The following GARRE1 variants were observed in gnomAD, a reference collection of about 807,000 sequenced individuals.
GARRE1 encodes granule associated Rac and RHOG effector protein 1.
A neutral mutation model predicts 103.2 loss-of-function variants in GARRE1; 49 were observed. The observed-to-expected ratio is 0.47, with a 90% CI of 0.38 to 0.60. The LOEUF is 0.60. Among genes scored for constraint, GARRE1 ranks in the 20% least tolerant of loss-of-function variants. GARRE1 has a pLI of 0.00. For missense variants in GARRE1, 1,199 were observed against 1,370.5 expected (o/e 0.87, Z 1.98); for synonymous variants, 505 against 532.8 (o/e 0.95, Z 0.72).
chr19:34,322,406 A>C (rs2145262526), intron 3 of GARRE1, among the ~76,000 whole-genome samples: 1 of 152,238 alleles, frequency 6.6e-6, no homozygotes, highest in Middle Eastern at 3.4e-3. Flanking sequence ...TCCTGACCTC[A>C]GGTGATCCAC....
At chr19:34,294,614 G>T (rs1426643200) in intron 1 of GARRE1, among the ~76,000 whole-genome samples, 1 of 121,168 alleles carries the variant, frequency 8.3e-6, no homozygotes, top group Non-Finnish European at 1.8e-5. Flanking sequence ...CCCTTGGGAA[G>T]AGTTTTCTAT....
chr19:34,347,133 G>T (rs59614706), intron 10 of GARRE1, among the ~76,000 whole-genome samples: 1 of 149,714 alleles, frequency 6.7e-6, no homozygotes, highest in African/African-American at 2.5e-5. Flanking sequence ...CTTTCGCCCA[G>T]ACTGGAGTGC....
At chr19:34,339,309 G>T (rs757810479) in intron 8 of GARRE1, among the ~76,000 whole-genome samples, 21 of 152,172 alleles carry the variant, frequency 1.4e-4, no homozygotes, top group South Asian at 8.3e-4. Flanking sequence ...TGCTATAATG[G>T]CTCACAGAAC....
At chr19:34,321,810 A>G (rs1242832244) in intron 3 of GARRE1, among the ~76,000 whole-genome samples, 1 of 152,136 alleles carries the variant, frequency 6.6e-6, no homozygotes. Context: ...AAGATCAGCT[A>G]TTTCCCAGCA....
At position 34,313,975 on chromosome 19, in the gene GARRE1, A is replaced by G. The variant is rs544713773; in HGVS notation, c.496-5932A>G. Among the ~76,000 whole-genome samples the G allele has an allele frequency of 4.0e-5, 6 of 151,880 alleles. No homozygotes were observed. In the East Asian group the frequency reaches 9.7e-4, roughly 25 times the overall value. On this transcript the variant is annotated intron_variant, in intron 2 of 13. Transcript: ENST00000299505. Reference sequence around the variant, plus strand: ...ACCACCACGCCCGGCTGATTTTTGTATTTTTTGTAGAGACAGGGTTTCACC... The same window carrying G: ...ACCACCACGCCCGGCTGATTTTTGTGTTTTTTGTAGAGACAGGGTTTCACC...
intron 6 of GARRE1, among the ~76,000 whole-genome samples, chr19:34,328,753 A>T (rs1189146157): frequency 6.6e-6 from 1 of 151,916 alleles, no homozygotes; most frequent in Non-Finnish European, 1.5e-5. Context: ...GACTACAAGC[A>T]TGTGCCACCA....
chr19:34,313,144 C>G (rs2074044557), intron 2 of GARRE1, among the ~76,000 whole-genome samples: 1 of 152,044 alleles, frequency 6.6e-6, no homozygotes, highest in African/African-American at 2.4e-5. Context: ...GTTGCATACA[C>G]AAATCTGGAG....
At chr19:34,254,790 C>G (rs971661748) in intron 1 of GARRE1, among the ~76,000 whole-genome samples, 176 bp downstream of exon 1, 6 of 149,160 alleles carry the variant, frequency 4.0e-5, no homozygotes, top group Non-Finnish European at 9.0e-5. Context: ...CTTGCCCGCC[C>G]GCTGTGGAGG....
chr19:34,349,196 G>A (rs201319261), intron 12 of GARRE1, 43 bp downstream of exon 12: 1 of 1,600,512 alleles, frequency 6.2e-7, no homozygotes, highest in South Asian at 1.1e-5. Flanking sequence ...AGAAGGGCAT[G>A]TGAATGCAAC....
intron 1 of GARRE1, among the ~76,000 whole-genome samples, chr19:34,279,817 C>T (rs2073840265): frequency 6.6e-6 from 1 of 151,272 alleles, no homozygotes; most frequent in Admixed American, 6.6e-5. Context: ...AACCCCGTCT[C>T]TACTAAAAAT....
intron 1 of GARRE1, among the ~76,000 whole-genome samples, chr19:34,286,242 C>T (rs140860229): frequency 0.037 from 5,681 of 152,202 alleles, 172 homozygotes; most frequent in Admixed American, 0.1. Flanking sequence ...TTTTTTGAGA[C>T]GGAGTCTCGC....
rs534036352 is a variant in GARRE1, at chr19:34,325,992, C to T, written c.706-1429C>T. Among the ~76,000 whole-genome samples the T allele has an allele frequency of 3.9e-5, 6 of 152,270 alleles. No individual in the cohort carries two copies. The East Asian group carries it at 5.8e-4, about 15-fold the overall frequency. On this transcript the variant is annotated intron_variant, in intron 3 of 13. Transcript: ENST00000299505. ...CTGGTATAGTCCTCTGTTTGTTTCC[C>T]GCAGTGTTTTTTCTCCATTTATAAT...
rs537460300 is a variant in GARRE1, at chr19:34,279,901, C to G, written c.-795-19778C>G. Among the ~76,000 whole-genome samples, 297 of 145,294 alleles carry G rather than the reference C, an allele frequency of 2.0e-3. 1 individual carries two copies. Among genetic ancestry groups the G allele is most frequent in the African/African-American group, 7.5e-3 (291 of 38,624 alleles). Reference sequence around the variant, plus strand: ...TTGGGAGGCTGAGGCAGGAGAATGGCGTGAACCCGGGAGGCGGAGCTTGCA... The same window carrying G: ...TTGGGAGGCTGAGGCAGGAGAATGGGGTGAACCCGGGAGGCGGAGCTTGCA... On this transcript the variant is annotated intron_variant, in intron 1 of 13. Transcript: ENST00000299505.
chr19:34,343,176 C>T (rs1299284593), intron 10 of GARRE1, among the ~76,000 whole-genome samples: 3 of 152,064 alleles, frequency 2.0e-5, no homozygotes, highest in Non-Finnish European at 4.4e-5. Context: ...ACATTAAAAG[C>T]GCTTTAGTGG....
intron 2 of GARRE1, among the ~76,000 whole-genome samples, chr19:34,311,530 A>G (rs1453494162): frequency 6.6e-6 from 1 of 152,154 alleles, no homozygotes; most frequent in South Asian, 2.1e-4. Context: ...GCTCCTTGTG[A>G]TGCCCTGGCG....
intron 2 of GARRE1, among the ~76,000 whole-genome samples, chr19:34,316,550 G>A (rs1032954858): frequency 1.6e-4 from 25 of 152,318 alleles, no homozygotes; most frequent in Non-Finnish European, 2.8e-4. Flanking sequence ...GGGAAAGGTG[G>A]GCAGAGGCAG....
rs2074190208 is a variant in GARRE1, at chr19:34,342,209, G to A, written c.2275G>A (p.Gly759Ser). The change falls in exon 10 of 14, where the codon GGC becomes AGC. Residue 759 changes from glycine to serine, a missense_variant. By Grantham distance (56) the Gly-to-Ser change is moderately conservative (BLOSUM62 0). Transcript: ENST00000299505. Reference sequence around the variant, plus strand: ...TCGGGCACCTGGGAAATGGGTACATGGCTCATCCCAGCAGCCAGCGCAGGC... The same window carrying A: ...TCGGGCACCTGGGAAATGGGTACATAGCTCATCCCAGCAGCCAGCGCAGGC... ...QPRAPGKWVH[G>S]SSQQPAQAVG... is the part of the protein sequence containing the mutation. The A allele has an allele frequency of 6.2e-7, 1 of 1,614,224 alleles. No individual in the cohort carries two copies. Among genetic ancestry groups the A allele is most frequent in the Non-Finnish European group, 8.5e-7 (1 of 1,180,040 alleles).
At chr19:34,260,061 T>C (rs1379205520) in intron 1 of GARRE1, among the ~76,000 whole-genome samples, 4 of 152,234 alleles carry the variant, frequency 2.6e-5, no homozygotes, top group African/African-American at 9.6e-5. Flanking sequence ...TTACCTAGTC[T>C]TGGGCATTTC....
rs146336774 is a variant in GARRE1, at chr19:34,293,715, A to AACACACACAC, written c.-795-5944_-795-5935dup. Among the ~76,000 whole-genome samples the AACACACACAC allele has an allele frequency of 8.7e-3, 872 of 100,486 alleles. 25 individuals are homozygous for AACACACACAC. Among genetic ancestry groups the AACACACACAC allele is most frequent in the African/African-American group, 0.027 (600 of 22,498 alleles). 65.9% of individuals were successfully genotyped at this position (100,486 alleles called of 152,430 possible). The stretch of plus-strand genomic sequence containing the variant: ...CAACCTCTTGAAGCATAAACATATA[A>AACACACACAC]ACACACACACACACACACACACACA... On this transcript the variant is annotated intron_variant, in intron 1 of 13. Coordinates refer to ENST00000299505, the MANE Select transcript of GARRE1 (RefSeq NM_014686.5).
Sources: allele counts gnomAD v4.1 joint callset (sites outside exome capture counted in the v4.1 genomes callset), GRCh38; gene constraint gnomAD v4.1.1; transcripts MANE v1.5; gene names NCBI Gene and HGNC (gene_info 2026-07-23, HGNC 2026-07-21).